FHIT: variants seen among roughly 807,000 people sequenced by gnomAD.
The protein encoded by FHIT is fragile histidine triad diadenosine triphosphatase, also known as bis(5'-adenosyl)-triphosphatase.
A neutral mutation model predicts 17.9 loss-of-function variants in FHIT; 19 were observed. The ratio of observed to expected loss-of-function variants is 1.06; its 90% CI spans 0.74 to 1.56. The LOEUF is 1.56. Among genes scored for constraint, FHIT ranks in the 40% most tolerant of loss-of-function variants. The pLI is 0.00. For missense variants in FHIT, 248 were observed against 189.2 expected, an observed-to-expected ratio of 1.31 and a Z score of -1.82; for synonymous variants, 81 against 69.7, an observed-to-expected ratio of 1.16 and a Z score of -0.81.
intron 3 of FHIT, 92 bp from the exon 4 acceptor site, chr3:60,822,103 C>T (rs1357098792): frequency 6.6e-6 from 1 of 152,154 alleles, no homozygotes; most frequent in Non-Finnish European, 1.5e-5. Context: ...ACCATGAATA[C>T]TGAGCATTGC....
intron 5 of FHIT, among the ~76,000 whole-genome samples, chr3:60,451,094 G>A (rs560646173): frequency 8.5e-5 from 13 of 152,082 alleles, no homozygotes; most frequent in South Asian, 2.1e-4. Context: ...ATTAAACATC[G>A]GTAAAACAAC....
At chr3:61,166,615 A>T (rs1445245507) in intron 2 of FHIT, among the ~76,000 whole-genome samples, 2 of 152,212 alleles carry the variant, frequency 1.3e-5, no homozygotes, top group Non-Finnish European at 2.9e-5. Flanking sequence ...ACAGTTCAAG[A>T]TTAACTCAAA....
intron 5 of FHIT, among the ~76,000 whole-genome samples, chr3:60,140,054 G>C (rs1464463606): frequency 6.6e-6 from 1 of 151,968 alleles, no homozygotes; most frequent in Admixed American, 6.6e-5. Context: ...CTGAGAGACA[G>C]AGTTTGCAGT....
chr3:59,822,228 TG>T (rs1452319349), intron 8 of FHIT, among the ~76,000 whole-genome samples: 1 of 152,228 alleles, frequency 6.6e-6, no homozygotes, highest in Non-Finnish European at 1.5e-5. Context: ...TCCATATTTT[TG>T]CAATTGTGAA....
chr3:60,378,212 G>A (rs1478190326), intron 5 of FHIT, among the ~76,000 whole-genome samples: 2 of 151,622 alleles, frequency 1.3e-5, no homozygotes, highest in Non-Finnish European at 2.9e-5. Flanking sequence ...ATTTTTAGTA[G>A]AGACGGGGTT....
intron 8 of FHIT, among the ~76,000 whole-genome samples, chr3:59,919,525 C>G (rs1016028975): frequency 3.3e-5 from 5 of 152,164 alleles, no homozygotes; most frequent in Non-Finnish European, 5.9e-5. Flanking sequence ...CAATTAGTCT[C>G]CAAATCTGTT....
At chr3:60,308,411 T>A (rs1316163225) in intron 5 of FHIT, among the ~76,000 whole-genome samples, 2 of 151,762 alleles carry the variant, frequency 1.3e-5, no homozygotes, top group African/African-American at 4.8e-5. Context: ...TATGGGCTGT[T>A]ACAGACCAGG....
At chr3:60,046,407 C>T (rs988724255) in intron 5 of FHIT, among the ~76,000 whole-genome samples, 1 of 152,226 alleles carries the variant, frequency 6.6e-6, no homozygotes, top group African/African-American at 2.4e-5. Context: ...TCTGTGCTGG[C>T]TGGGCTGCCA....
At chr3:60,712,730 T>A (rs2041572010) in intron 4 of FHIT, among the ~76,000 whole-genome samples, 1 of 148,228 alleles carries the variant, frequency 6.7e-6, no homozygotes, top group Non-Finnish European at 1.5e-5. Flanking sequence ...GAGCTAACTA[T>A]CCTAAATATA....
chr3:59,818,125 G>T (rs1700667364), intron 8 of FHIT, among the ~76,000 whole-genome samples: 1 of 151,662 alleles, frequency 6.6e-6, no homozygotes, highest in South Asian at 2.1e-4. Context: ...AAAAAAAGGA[G>T]GCCTTTGATC....
chr3:60,602,171 T>C (rs2038465209), intron 4 of FHIT, among the ~76,000 whole-genome samples: 1 of 152,090 alleles, frequency 6.6e-6, no homozygotes, highest in South Asian at 2.1e-4. Context: ...ACTGAATCCA[T>C]GGGTGGAAAT....
At chr3:60,212,270 T>C (rs1221674457) in intron 5 of FHIT, among the ~76,000 whole-genome samples, 1 of 152,108 alleles carries the variant, frequency 6.6e-6, no homozygotes, top group African/African-American at 2.4e-5. Flanking sequence ...ACCCTTATTT[T>C]CAGAAAATAA....
intron 3 of FHIT, among the ~76,000 whole-genome samples, chr3:60,940,777 G>A (rs906615549): frequency 2.0e-5 from 3 of 152,160 alleles, no homozygotes; most frequent in African/African-American, 7.2e-5. Context: ...TTAAAGCAGT[G>A]CTTCACAAAC....
intron 4 of FHIT, among the ~76,000 whole-genome samples, chr3:60,773,350 C>A (rs1212757308): frequency 6.7e-6 from 1 of 149,194 alleles, no homozygotes; most frequent in African/African-American, 2.4e-5. Context: ...TAAGCCCAAA[C>A]ATCTCCCTAG....
intron 5 of FHIT, among the ~76,000 whole-genome samples, chr3:60,276,806 G>C (rs1016229401): frequency 2.0e-5 from 3 of 152,274 alleles, no homozygotes; most frequent in Non-Finnish European, 2.9e-5. Context: ...CAGGGCAAGA[G>C]AGGGAGAAAG....
intron 4 of FHIT, among the ~76,000 whole-genome samples, chr3:60,800,077 T>C (rs1221939015): frequency 9.1e-6 from 1 of 110,464 alleles, no homozygotes; most frequent in East Asian, 3.4e-4. Flanking sequence ...CCCAGAGTGA[T>C]AGCAATATCA....
chr3:60,057,339 T>C (rs924266182), intron 5 of FHIT, among the ~76,000 whole-genome samples: 2 of 152,232 alleles, frequency 1.3e-5, no homozygotes, highest in African/African-American at 4.8e-5. Context: ...CTGCCTGGTC[T>C]GTTGCTTCAG....
At chr3:61,058,898 T>C (rs574668472) in intron 2 of FHIT, among the ~76,000 whole-genome samples, 26 of 152,186 alleles carry the variant, frequency 1.7e-4, no homozygotes, top group Non-Finnish European at 3.2e-4. Flanking sequence ...AGCTCATAAA[T>C]GATGCAGCCA....
rs1470206287 is a variant in FHIT, at chr3:60,860,896, C to T, written c.-110-38885G>A. On this transcript the variant is annotated intron_variant, in intron 3 of 9. Coordinates refer to ENST00000492590, the MANE Select transcript of FHIT (RefSeq NM_002012.4). ...TATCATGTATATATGAACATATATA[C>T]GTATATATCATGTATATATGATACA... Among the ~76,000 whole-genome samples the T allele has an allele frequency of 3.2e-5, 3 of 94,020 alleles. 1 individual carries two copies. The highest frequency in any genetic ancestry group is 4.3e-5 in the Non-Finnish European group (2 of 46,630). The allele number at this position is 94,020 out of a possible 152,430, so 61.7% of individuals were successfully genotyped here. A position where few individuals can be genotyped will look rare whatever the true frequency, so the allele number is the denominator to read the frequency against.
Sources: allele counts gnomAD v4.1 joint callset (sites outside exome capture counted in the v4.1 genomes callset), GRCh38; gene constraint gnomAD v4.1.1; transcripts MANE v1.5; gene names NCBI Gene and HGNC (gene_info 2026-07-23, HGNC 2026-07-21).